DMBT1: variants seen among roughly 807,000 people sequenced by gnomAD.
The protein encoded by DMBT1 is scavenger receptor cysteine-rich domain-containing protein DMBT1.
A neutral mutation model predicts 252.9 loss-of-function variants in DMBT1; 198 were observed. That is an observed-to-expected ratio of 0.78 (90% confidence interval 0.70 to 0.88). DMBT1 has a LOEUF of 0.88. Among genes scored for constraint, DMBT1 ranks in the 40% least tolerant of loss-of-function variants. DMBT1 has a pLI of 0.00. For missense variants in DMBT1, 2,432 were observed against 2,404.7 expected, an observed-to-expected ratio of 1.01 and a Z score of -0.24; for synonymous variants, 990 against 942.7, an observed-to-expected ratio of 1.05 and a Z score of -0.92.
chr10:122,618,012 T>G lies in DMBT1; in HGVS notation c.4892-5T>G. 1 of 1,612,466 alleles carries G rather than the reference T, an allele frequency of 6.2e-7. No homozygotes were observed. Among genetic ancestry groups the G allele is most frequent in the Non-Finnish European group, 8.5e-7 (1 of 1,179,730 alleles). On this transcript the variant is annotated splice_region_variant and splice_polypyrimidine_tract_variant and intron_variant, in intron 40 of 55. Coordinates refer to ENST00000338354, the MANE Select transcript of DMBT1 (RefSeq NM_001377530.1). ...TGGATGAAGGGTTCTTGTGTTCCCC[T>G]GTAGGATCTGAATCCACTTTGGCCC...
chr10:122,599,730 G>A (rs1479867090), intron 26 of DMBT1, among the ~76,000 whole-genome samples: 2 of 152,196 alleles, frequency 1.3e-5, no homozygotes, highest in Non-Finnish European at 1.5e-5. Context: ...CAGGGCTTGA[G>A]GACGGCACAA....
chr10:122,642,992 GA>G, intron 55 of DMBT1, 129 bp from the exon 56 acceptor site: 1 of 1,255,274 alleles, frequency 8.0e-7, no homozygotes, highest in Non-Finnish European at 1.1e-6. Context: ...CGTTCTGACA[GA>G]AGGAAGGTGA....
chr10:122,561,316 C>T (rs911126276), intron 1 of DMBT1, among the ~76,000 whole-genome samples: 3 of 152,102 alleles, frequency 2.0e-5, no homozygotes, highest in Admixed American at 6.5e-5. Context: ...AGTAATTGAG[C>T]GCAGACAAGA....
intron 46 of DMBT1, 64 bp from the exon 47 acceptor site, chr10:122,629,776 G>A: frequency 1.3e-6 from 2 of 1,567,542 alleles, no homozygotes; most frequent in Non-Finnish European, 8.7e-7. Flanking sequence ...TTACACAGAT[G>A]ATTCCTTGTC....
In DMBT1 at chr10:122,585,275, G is replaced by A. The variant is rs376655390; in HGVS notation, c.1425G>A (p.Thr475=). The A allele has an allele frequency of 7.8e-5, 123 of 1,586,370 alleles. 17 individuals carry two copies. Among genetic ancestry groups the A allele is most frequent in the East Asian group, 2.6e-4 (11 of 42,682 alleles). The change falls in exon 15 of 56, where the codon ACG becomes ACA. Residue 475 remains threonine (T), a synonymous_variant. Coordinates refer to ENST00000338354, the MANE Select transcript of DMBT1 (RefSeq NM_001377530.1). ...TTGTCTCTGTTGCAATTACAGACAC[G>A]TTGCCGACCATCACCTTACCTGCAT... ...AHSWSTPSPD[T]LPTITLPAST... is the part of the protein sequence containing the mutation.
At chr10:122,626,282 C>T (rs989571884) in intron 46 of DMBT1, among the ~76,000 whole-genome samples, 1 of 152,074 alleles carries the variant, frequency 6.6e-6, no homozygotes, top group African/African-American at 2.4e-5. Flanking sequence ...GGCTATGTTT[C>T]AATAGATTTT....
intron 46 of DMBT1, among the ~76,000 whole-genome samples, chr10:122,626,921 G>A (rs1372126584): frequency 6.6e-6 from 1 of 152,176 alleles, no homozygotes; most frequent in African/African-American, 2.4e-5. Context: ...AACCAGAAGG[G>A]ATGCTTTGAA....
chr10:122,627,308 C>T (rs987694179), intron 46 of DMBT1, among the ~76,000 whole-genome samples: 21 of 152,022 alleles, frequency 1.4e-4, no homozygotes, highest in Non-Finnish European at 2.6e-4. Context: ...TACATAATTA[C>T]TGTTGGCATT....
intron 2 of DMBT1, among the ~76,000 whole-genome samples, chr10:122,567,267 G>A (rs936740227): frequency 1.3e-5 from 2 of 152,192 alleles, no homozygotes; most frequent in South Asian, 2.1e-4. Flanking sequence ...AGGAGGGGGC[G>A]CATTGCCCTG....
At position 122,631,799 on chromosome 10, in the gene DMBT1, C is replaced by T. The variant is rs2098167265; in HGVS notation, c.6347-56C>T. ...TAAGTGTATCTCTGTCTCATTCCGG[C>T]CCCTCCTCCAAGCCACATGTCTGTG... On this transcript the variant is annotated intron_variant, in intron 49 of 55. Transcript: ENST00000338354. 7 of 1,601,490 alleles carry T rather than the reference C, an allele frequency of 4.4e-6. No individual in the cohort carries two copies. The Admixed American group carries it at 1.2e-4, about 27-fold the overall frequency.
At chr10:122,590,798 G>A in intron 18 of DMBT1, 104 bp downstream of exon 18, 1 of 1,392,210 alleles carries the variant, frequency 7.2e-7, no homozygotes, top group Non-Finnish European at 1.0e-6. Flanking sequence ...GGATACTGTG[G>A]GTCATACTAT....
intron 51 of DMBT1, 100 bp downstream of exon 51, chr10:122,632,990 C>G (rs1591566650): frequency 6.4e-7 from 1 of 1,569,092 alleles, no homozygotes; most frequent in Non-Finnish European, 8.7e-7. Context: ...GATGGCTTCC[C>G]CCAAAGTGGT....
Position 122,577,821 on chromosome 10 carries a change from T to C in DMBT1, c.618T>C (p.Pro206=), listed in dbSNP as rs752753413. 1 of 1,613,692 alleles carries C rather than the reference T, an allele frequency of 6.2e-7. No homozygotes were observed. Among genetic ancestry groups the C allele is most frequent in the Non-Finnish European group, 8.5e-7 (1 of 1,179,746 alleles). The change falls in exon 8 of 56, where the codon CCT becomes CCC. Residue 206 remains proline (P), a synonymous_variant. Transcript: ENST00000338354. ...ATTTTTTTCTCACAGCTGCCCAGCC[T>C]CAGTCAACACTCAGGCCAGGTGAGT... ...DAGVICSAAQ[P]QSTLRPESWP...
At chr10:122,568,742 C>T (rs536031595) in intron 2 of DMBT1, among the ~76,000 whole-genome samples, 3 of 152,324 alleles carry the variant, frequency 2.0e-5, no homozygotes, top group Non-Finnish European at 2.9e-5. Flanking sequence ...TGTGGCTATT[C>T]CATGTCAGCC....
At chr10:122,639,144 A>C (rs1428964539) in intron 54 of DMBT1, among the ~76,000 whole-genome samples, 2 of 152,240 alleles carry the variant, frequency 1.3e-5, no homozygotes, top group Non-Finnish European at 2.9e-5. Flanking sequence ...ACCAAGAAAT[A>C]AATCTGCACT....
intron 1 of DMBT1, among the ~76,000 whole-genome samples, chr10:122,565,043 ATC>A (rs1176866241): frequency 1.3e-5 from 2 of 151,920 alleles, no homozygotes; most frequent in Non-Finnish European, 2.9e-5. Flanking sequence ...CTTAAAAAAA[ATC>A]TTCTTGAAAG....
chr10:122,573,359 A>G (rs3019531), intron 5 of DMBT1, among the ~76,000 whole-genome samples: 104,510 of 152,094 alleles, frequency 0.69, 36,114 homozygotes, highest in East Asian at 0.78. Flanking sequence ...AGTGATGGTG[A>G]ATATTTGTCA....
chr10:122,572,501 G>T, intron 5 of DMBT1, 140 bp downstream of exon 5: 2 of 1,210,454 alleles, frequency 1.7e-6, no homozygotes, highest in Non-Finnish European at 2.4e-6. Context: ...ATATCACCTT[G>T]TGCTGTGTAT....
Position 122,599,994 on chromosome 10 carries a change from C to T in DMBT1, c.3281-70C>T, listed in dbSNP as rs187798357. 1.8e-4 allele frequency: 286 copies of T among 1,579,904 alleles called. 14 individuals carry two copies. In the African/African-American group the frequency reaches 3.5e-3, roughly 19 times the overall value. On this transcript the variant is annotated intron_variant, in intron 26 of 55. Coordinates refer to ENST00000338354, the MANE Select transcript of DMBT1 (RefSeq NM_001377530.1). ...GAGTGTCAGACTCGCCCATTTCTTT[C>T]CCTCCTCGTTCCACTTTGCCGACTT...
Sources: allele counts gnomAD v4.1 joint callset (sites outside exome capture counted in the v4.1 genomes callset), GRCh38; gene constraint gnomAD v4.1.1; transcripts MANE v1.5; gene names NCBI Gene and HGNC (gene_info 2026-07-23, HGNC 2026-07-21).